The following CNOT4 variants were observed in gnomAD, a reference collection of about 807,000 sequenced individuals.
The protein encoded by CNOT4 is CCR4-associated factor 4.
Under a neutral mutation model 73.8 loss-of-function variants are expected in CNOT4, and 8 were observed. The ratio of observed to expected loss-of-function variants is 0.11; its 90% CI spans 0.06 to 0.20. The LOEUF (loss-of-function observed/expected upper bound fraction) is 0.20, where lower values mean the gene tolerates loss of function less well. CNOT4 is among the 10% of genes least tolerant of loss of function. The pLI is 1.00. For synonymous variants in CNOT4, 293 were observed against 321.1 expected (o/e 0.91, Z 0.94); for missense variants, 564 against 883.4 (o/e 0.64, Z 4.58).
intron 1 of CNOT4, among the ~76,000 whole-genome samples, chr7:135,470,185 A>G (rs1801489066): frequency 6.6e-6 from 1 of 151,810 alleles, no homozygotes; most frequent in African/African-American, 2.4e-5. Flanking sequence ...CAGCAACTGC[A>G]GTGGTGCAAT....
chr7:135,412,023 G>A (rs1797612970), intron 6 of CNOT4, among the ~76,000 whole-genome samples: 1 of 151,908 alleles, frequency 6.6e-6, no homozygotes, highest in Non-Finnish European at 1.5e-5. Flanking sequence ...TTTAAACTCA[G>A]CTAAAGAAGA....
At chr7:135,391,589 T>C (rs1796405182) in intron 10 of CNOT4, among the ~76,000 whole-genome samples, 1 of 152,032 alleles carries the variant, frequency 6.6e-6, no homozygotes, top group Non-Finnish European at 1.5e-5. Context: ...GTTTTAAAAA[T>C]TAAAACAAAA....
chr7:135,376,352 C>CT (rs112830026), intron 10 of CNOT4, among the ~76,000 whole-genome samples: 5,287 of 151,962 alleles, frequency 0.035, 314 homozygotes, highest in African/African-American at 0.12. Context: ...TGCTGTTCTG[C>CT]TTTTTTTTAA....
chr7:135,369,779 G>A (rs961435601), intron 10 of CNOT4, among the ~76,000 whole-genome samples: 15 of 152,128 alleles, frequency 9.9e-5, no homozygotes, highest in Non-Finnish European at 2.2e-4. Context: ...TACCAGTTTT[G>A]GGATGGAGTG....
intron 3 of CNOT4, among the ~76,000 whole-genome samples, chr7:135,418,705 C>A (rs1046588673): frequency 6.6e-6 from 1 of 152,144 alleles, no homozygotes; most frequent in African/African-American, 2.4e-5. Flanking sequence ...CATAGCTCAT[C>A]AAACAAGCTA....
chr7:135,478,000 GTATT>G (rs1464964468), intron 1 of CNOT4, among the ~76,000 whole-genome samples: 6 of 151,946 alleles, frequency 3.9e-5, no homozygotes, highest in Non-Finnish European at 7.4e-5. Context: ...GCACAAATAT[GTATT>G]TATTAAAATC....
At chr7:135,453,746 TTA>T (rs1361918326) in intron 1 of CNOT4, among the ~76,000 whole-genome samples, 1 of 145,002 alleles carries the variant, frequency 6.9e-6, no homozygotes, top group Non-Finnish European at 1.5e-5. Flanking sequence ...ATATGTTATA[TTA>T]TATATATATA....
chr7:135,506,722 C>A (rs534688917), intron 1 of CNOT4, among the ~76,000 whole-genome samples: 1 of 152,054 alleles, frequency 6.6e-6, no homozygotes, highest in South Asian at 2.1e-4. Flanking sequence ...GTGGCACACG[C>A]CTGTAATCCC....
At chr7:135,505,784 T>C (rs1213600824) in intron 1 of CNOT4, among the ~76,000 whole-genome samples, 3 of 152,192 alleles carry the variant, frequency 2.0e-5, no homozygotes, top group African/African-American at 2.4e-5. Flanking sequence ...TGAAATTTTT[T>C]ATAAACTTTG....
At chr7:135,386,115 C>A (rs567233486) in intron 10 of CNOT4, 1 of 150,896 alleles carries the variant, frequency 6.6e-6, no homozygotes, top group Admixed American at 6.6e-5. Context: ...GGACTCTATT[C>A]CCTAAAGTGG....
chr7:135,427,560 A>C (rs1309206211), intron 2 of CNOT4, among the ~76,000 whole-genome samples: 1 of 152,228 alleles, frequency 6.6e-6, no homozygotes, highest in Non-Finnish European at 1.5e-5. Context: ...GATTCAGAAT[A>C]ATTTGTAATT....
intron 8 of CNOT4, among the ~76,000 whole-genome samples, chr7:135,396,406 C>T (rs978786741): frequency 2.6e-5 from 4 of 152,088 alleles, no homozygotes; most frequent in Admixed American, 1.3e-4. Context: ...CATGAGCCAC[C>T]GTGCCCGGCC....
At chr7:135,374,145 G>A (rs764279376) in intron 10 of CNOT4, among the ~76,000 whole-genome samples, 16 of 152,064 alleles carry the variant, frequency 1.1e-4, no homozygotes, top group Non-Finnish European at 1.9e-4. Context: ...TATATCCCAC[G>A]GCCTACTTCC....
At chr7:135,454,538 G>A (rs1172058112) in intron 1 of CNOT4, among the ~76,000 whole-genome samples, 2 of 151,918 alleles carry the variant, frequency 1.3e-5, no homozygotes, top group Admixed American at 6.6e-5. Context: ...GCCAGGTGCG[G>A]TGGTACGCAC....
intron 10 of CNOT4, among the ~76,000 whole-genome samples, chr7:135,365,257 A>G (rs1171920186): frequency 6.6e-6 from 1 of 152,214 alleles, no homozygotes; most frequent in Non-Finnish European, 1.5e-5. Flanking sequence ...ACTAAACTGA[A>G]CGAAGGTCAT....
In CNOT4 at chr7:135,364,320, T is replaced by C. The variant is rs1275460498; in HGVS notation, c.1628-254A>G. ...TCTCTCTATAGCCTCTTCACCATTA[T>C]GGGTTTGTAAATCAATAATCCAGTT... On this transcript the variant is annotated intron_variant, in intron 10 of 11. Transcript: ENST00000541284. This position sits in a 1 kb window ranked among gnomAD's most constrained non-coding sequence, Gnocchi z 4.3. Among the ~76,000 whole-genome samples the C allele has an allele frequency of 6.6e-6, 1 of 152,188 alleles. No individual in the cohort carries two copies. The highest frequency in any genetic ancestry group is 1.5e-5 in the Non-Finnish European group (1 of 68,038).
chr7:135,489,811 G>A (rs1416606529), intron 1 of CNOT4, among the ~76,000 whole-genome samples: 1 of 152,044 alleles, frequency 6.6e-6, no homozygotes, highest in African/African-American at 2.4e-5. Context: ...TTCAGACCAA[G>A]AGATTAAATA....
chr7:135,363,782 G>A lies in CNOT4; in HGVS notation c.1840+72C>T, dbSNP rs527938251. ...AAGCAGCTTATGTTGAAGAGATCTC[G>A]GTTTTTATTTAATCTGTGCTAAAAA... On this transcript the variant is annotated intron_variant, in intron 11 of 11. Transcript: ENST00000541284. This position sits in a 1 kb window ranked among gnomAD's most constrained non-coding sequence, Gnocchi z 4.3. The A allele has an allele frequency of 2.9e-5, 36 of 1,234,536 alleles. 1 individual carries two copies. Among genetic ancestry groups the A allele is most frequent in the Middle Eastern group, 2.9e-4 (1 of 3,442 alleles). 76.5% of individuals were successfully genotyped at this position (1,234,536 alleles called of 1,614,324 possible). A position where few individuals can be genotyped will look rare whatever the true frequency, so the allele number is the denominator to read the frequency against.
intron 1 of CNOT4, among the ~76,000 whole-genome samples, chr7:135,472,691 C>A (rs983984391): frequency 6.7e-6 from 1 of 150,006 alleles, no homozygotes; most frequent in East Asian, 1.9e-4. Flanking sequence ...ATGCAACACA[C>A]GAATTACACA....
Sources: gnomAD v4.1 joint callset for allele counts (sites outside exome capture counted in the v4.1 genomes callset) on GRCh38, gnomAD v4.1.1 for gene constraint, Gnocchi (gnomAD v3.1) non-coding constraint, MANE v1.5 for transcripts, NCBI Gene and HGNC (gene_info 2026-07-23, HGNC 2026-07-21) for gene names.